The following TMEM132C variants were observed in gnomAD, a reference collection of about 807,000 sequenced individuals.
The protein encoded by TMEM132C is protein phosphatase 1, regulatory subunit 152.
In TMEM132C, 29 loss-of-function variants were observed where a neutral mutation model predicts 61.4. The ratio of observed to expected loss-of-function variants is 0.47; its 90% CI spans 0.35 to 0.64. The LOEUF (loss-of-function observed/expected upper bound fraction) is 0.64, where lower values mean the gene tolerates loss of function less well. TMEM132C is among the 30% of genes least tolerant of loss of function. The pLI is 0.00. For synonymous variants in TMEM132C, 656 were observed against 633.1 expected (o/e 1.04, Z -0.54); for missense variants, 1,408 against 1,476.9 (o/e 0.95, Z 0.76).
At chr12:128,609,507 C>T (rs1011520077) in intron 3 of TMEM132C, among the ~76,000 whole-genome samples, 7 of 151,958 alleles carry the variant, frequency 4.6e-5, no homozygotes, top group Non-Finnish European at 7.4e-5. Flanking sequence ...ATGCACCTGC[C>T]TTGGCCTCAC....
intron 1 of TMEM132C, among the ~76,000 whole-genome samples, chr12:128,329,806 A>T (rs1319511693): frequency 6.6e-6 from 1 of 152,180 alleles, no homozygotes; most frequent in Admixed American, 6.5e-5. Flanking sequence ...GCTAAACATT[A>T]CTGAGAAGAT....
chr12:128,542,881 A>C (rs1275805901), intron 2 of TMEM132C, among the ~76,000 whole-genome samples: 1 of 150,304 alleles, frequency 6.7e-6, no homozygotes, highest in Non-Finnish European at 1.5e-5. Context: ...AAAAAAAAAA[A>C]ATGTGCTGGG....
chr12:128,542,850 A>T (rs1343437044), intron 2 of TMEM132C, among the ~76,000 whole-genome samples: 1 of 118,354 alleles, frequency 8.4e-6, no homozygotes, highest in East Asian at 2.6e-4. Context: ...ACAGAACAAT[A>T]CTTCGATGCA....
intron 1 of TMEM132C, among the ~76,000 whole-genome samples, chr12:128,321,745 A>C (rs1359903601): frequency 6.6e-6 from 1 of 152,220 alleles, no homozygotes; most frequent in African/African-American, 2.4e-5. Context: ...TATTGGGAGA[A>C]ACTGGGTAGA....
At chr12:128,499,729 T>C (rs1031968497) in intron 2 of TMEM132C, among the ~76,000 whole-genome samples, 1 of 152,210 alleles carries the variant, frequency 6.6e-6, no homozygotes, top group Non-Finnish European at 1.5e-5. Flanking sequence ...TCCATTCTAT[T>C]TATGGCTGAA....
intron 3 of TMEM132C, among the ~76,000 whole-genome samples, chr12:128,566,291 A>G (rs10847648): frequency 0.24 from 35,734 of 151,930 alleles, 8,026 homozygotes; most frequent in African/African-American, 0.6. Flanking sequence ...AAAGAGGATA[A>G]CATGAGGATG....
chr12:128,595,812 T>C (rs1392254714), intron 3 of TMEM132C, among the ~76,000 whole-genome samples: 1 of 152,162 alleles, frequency 6.6e-6, no homozygotes, highest in Non-Finnish European at 1.5e-5. Context: ...ACACTGACCG[T>C]ACAGAATGGG....
At chr12:128,584,514 G>A (rs1875465885) in intron 3 of TMEM132C, among the ~76,000 whole-genome samples, 1 of 152,212 alleles carries the variant, frequency 6.6e-6, no homozygotes, top group African/African-American at 2.4e-5. Flanking sequence ...AGGGTCTGGG[G>A]TTGGTTTCCT....
chr12:128,661,559 TA>T (rs55750879), intron 4 of TMEM132C, among the ~76,000 whole-genome samples: 5,585 of 131,708 alleles, frequency 0.042, 242 homozygotes, highest in African/African-American at 0.12. Flanking sequence ...GAGAAGATGC[TA>T]AAAAAAAAAA....
At chr12:128,447,978 G>A (rs1010110018) in intron 2 of TMEM132C, among the ~76,000 whole-genome samples, 6 of 95,460 alleles carry the variant, frequency 6.3e-5, no homozygotes, top group Non-Finnish European at 1.0e-4. Context: ...CACCCGCCTC[G>A]GCCTCCCAAA....
At chr12:128,445,409 T>A (rs546299104) in intron 2 of TMEM132C, among the ~76,000 whole-genome samples, 2 of 152,328 alleles carry the variant, frequency 1.3e-5, no homozygotes, top group East Asian at 3.9e-4. Flanking sequence ...GTTGTCTTTT[T>A]GCGAGGCACT....
In TMEM132C at chr12:128,642,891, G is replaced by C. The variant is rs546162451; in HGVS notation, c.1306-26526G>C. ...CCAGCGAACTGGCTTCCAAGTGTGT[G>C]CTGTTCACCTGTGCTGCACCAGCTG... is the stretch of plus-strand genomic sequence containing the variant. On this transcript the variant is annotated intron_variant, in intron 4 of 8. Coordinates refer to ENST00000435159, the MANE Select transcript of TMEM132C (RefSeq NM_001136103.3). Among the ~76,000 whole-genome samples, 175 of 152,296 alleles carry C rather than the reference G, an allele frequency of 1.1e-3. 1 individual carries two copies. Among genetic ancestry groups the C allele is most frequent in the Non-Finnish European group, 4.7e-4 (32 of 68,032 alleles).
chr12:128,276,510 C>G (rs2135894622), intron 1 of TMEM132C, among the ~76,000 whole-genome samples: 1 of 152,286 alleles, frequency 6.6e-6, no homozygotes, highest in Non-Finnish European at 1.5e-5. Context: ...TTCCATCTGG[C>G]TTAGTGTTAG....
rs80239797 is a variant in TMEM132C, at chr12:128,638,506, C to T, written c.1305+22171C>T. On this transcript the variant is annotated intron_variant, in intron 4 of 8. Transcript: ENST00000435159. ...GCTAAGTGCTTCATGTTCATTATTT[C>T]GTTTAATCCTCATAGCATCTGTTTC... 5.5e-3 allele frequency among the ~76,000 whole-genome samples: 841 copies of T among 152,256 alleles called. 5 individuals carry two copies. The highest frequency in any genetic ancestry group is 0.017 in the Middle Eastern group (5 of 294).
intron 2 of TMEM132C, among the ~76,000 whole-genome samples, chr12:128,504,168 A>G (rs934227466): frequency 6.6e-6 from 1 of 152,116 alleles, no homozygotes; most frequent in African/African-American, 2.4e-5. Flanking sequence ...GTGACAGCTC[A>G]GGGTCTCCAA....
At chr12:128,342,554 T>C (rs1173915482) in intron 1 of TMEM132C, among the ~76,000 whole-genome samples, 4 of 147,410 alleles carry the variant, frequency 2.7e-5, no homozygotes, top group African/African-American at 1.0e-4. Flanking sequence ...CTCTCACAGT[T>C]TGATCTCAGG....
chr12:128,536,412 G>A (rs544971076), intron 2 of TMEM132C, among the ~76,000 whole-genome samples: 1 of 152,076 alleles, frequency 6.6e-6, no homozygotes, highest in African/African-American at 2.4e-5. Flanking sequence ...GCTGGGGGAG[G>A]GATAGCATTA....
At chr12:128,669,636 G>C in intron 5 of TMEM132C, 76 bp downstream of exon 5, 1 of 1,505,174 alleles carries the variant, frequency 6.6e-7, no homozygotes, top group Non-Finnish European at 8.9e-7. Context: ...GGGACATTTA[G>C]ACTGAAATAC....
intron 1 of TMEM132C, among the ~76,000 whole-genome samples, chr12:128,371,340 G>A (rs1168547321): frequency 3.9e-5 from 6 of 152,082 alleles, no homozygotes; most frequent in Admixed American, 3.9e-4. Flanking sequence ...CTCCAGGAAG[G>A]CATATGACCC....
Sources: allele counts gnomAD v4.1 joint callset (sites outside exome capture counted in the v4.1 genomes callset), GRCh38; gene constraint gnomAD v4.1.1; transcripts MANE v1.5; gene names NCBI Gene and HGNC (gene_info 2026-07-23, HGNC 2026-07-21).